TRAF3IP2: variants seen among roughly 807,000 people sequenced by gnomAD.
TRAF3IP2 encodes TRAF3 interacting protein 2, also known as E3 ubiquitin ligase TRAF3IP2.
A neutral mutation model predicts 57.9 loss-of-function variants in TRAF3IP2; 35 were observed. That is an observed-to-expected ratio of 0.60 (90% CI 0.46 to 0.80). The LOEUF is 0.80. Ranked by LOEUF, TRAF3IP2 falls within the 30% of genes least tolerant of loss-of-function variation. The pLI, the probability that TRAF3IP2 is intolerant of heterozygous loss-of-function variation, is 0.00. For synonymous variants in TRAF3IP2, 251 were observed against 268.9 expected, an observed-to-expected ratio of 0.93 and a Z score of 0.65; for missense variants, 556 against 706.4, an observed-to-expected ratio of 0.79 and a Z score of 2.41.
intron 2 of TRAF3IP2, among the ~76,000 whole-genome samples, chr6:111,586,625 T>A (rs1469589311): frequency 6.6e-6 from 1 of 152,212 alleles, no homozygotes; most frequent in Non-Finnish European, 1.5e-5. Flanking sequence ...TGGTGATCAT[T>A]ATTTATTTAT....
chr6:111,577,144 T>G (rs1426993846), intron 3 of TRAF3IP2: 1 of 112,006 alleles, frequency 8.9e-6, no homozygotes, highest in Non-Finnish European at 2.1e-5. Flanking sequence ...TATTTTTTTC[T>G]TTTTCTTTTT....
chr6:111,595,556 G>A (rs992509800), intron 1 of TRAF3IP2, among the ~76,000 whole-genome samples: 3 of 152,174 alleles, frequency 2.0e-5, no homozygotes, highest in Admixed American at 6.5e-5. Context: ...CATGCCGGGC[G>A]CCGTGACTCA....
intron 5 of TRAF3IP2, among the ~76,000 whole-genome samples, chr6:111,568,581 G>T (rs923848645): frequency 6.6e-6 from 1 of 151,844 alleles, no homozygotes; most frequent in Non-Finnish European, 1.5e-5. Flanking sequence ...CCTGGGGAGG[G>T]GTTACGTGAT....
At position 111,580,207 on chromosome 6, in the gene TRAF3IP2, G is replaced by T; in HGVS notation, c.1012C>A (p.Pro338Thr). Residue 338 changes from proline (P) to threonine (T), a missense_variant, in exon 3 of 9, where the codon CCA becomes ACA. This residue lies in a region of TRAF3IP2 where 428 missense variants were observed against 498.7 expected (regional missense o/e 0.86). Transcript: ENST00000368761. The part of the protein sequence containing the change: ...AQRDCSFPGL[P>T]RHQDQPHHQP... ...GCCTGTCATACTTACTGGTGCCTTGGAAGCCCCGGAAAGGAGCAGTCTCTC... is the reference window on the plus strand; with the variant it reads ...GCCTGTCATACTTACTGGTGCCTTGTAAGCCCCGGAAAGGAGCAGTCTCTC... The T allele has an allele frequency of 6.2e-7, 1 of 1,613,986 alleles. No individual in the cohort carries two copies. The highest frequency in any genetic ancestry group is 8.5e-7 in the Non-Finnish European group (1 of 1,179,932).
At chr6:111,583,533 A>G (rs1472763522) in intron 2 of TRAF3IP2, among the ~76,000 whole-genome samples, 1 of 152,190 alleles carries the variant, frequency 6.6e-6, no homozygotes, top group African/African-American at 2.4e-5. Flanking sequence ...AACTGCGCAC[A>G]TGAGGGATCT....
Position 111,559,210 on chromosome 6 carries a change from TC to T in TRAF3IP2, c.*194del. The T allele has an allele frequency of 1.6e-6, 1 of 632,650 alleles. No homozygotes were observed. Among genetic ancestry groups the T allele is most frequent in the Admixed American group, 3.0e-5 (1 of 33,496 alleles). 39.2% of individuals were successfully genotyped at this position (632,650 alleles called of 1,614,324 possible). On this transcript the variant is annotated 3_prime_UTR_variant, in exon 9 of 9. Coordinates refer to ENST00000368761, the MANE Select transcript of TRAF3IP2 (RefSeq NM_147686.4). ...CAGAGAATGCAGAGCAGTCACAGAC[TC>T]CACTTCAAAGCCAGGGTGTGTGGAG...
At chr6:111,564,000 ATG>A (rs1456756534) in intron 7 of TRAF3IP2, among the ~76,000 whole-genome samples, 3 of 152,232 alleles carry the variant, frequency 2.0e-5, no homozygotes, top group Non-Finnish European at 2.9e-5. Context: ...ACGAGGAATT[ATG>A]TGTTTCCAAC....
intron 8 of TRAF3IP2, among the ~76,000 whole-genome samples, 165 bp from the exon 9 acceptor site, chr6:111,559,716 A>G (rs994124254): frequency 1.3e-5 from 2 of 152,216 alleles, no homozygotes; most frequent in African/African-American, 4.8e-5. Context: ...TAGCATGTGA[A>G]ATGTTCTTGG....
At chr6:111,577,385 AGAG>A (rs1163972952) in intron 3 of TRAF3IP2, among the ~76,000 whole-genome samples, 1 of 152,174 alleles carries the variant, frequency 6.6e-6, no homozygotes, top group Non-Finnish European at 1.5e-5. Flanking sequence ...ACTATGAGTA[AGAG>A]GAGAATTAGC....
intron 5 of TRAF3IP2, 139 bp from the exon 6 acceptor site, chr6:111,567,831 TA>T: frequency 1.9e-6 from 1 of 534,960 alleles, no homozygotes; most frequent in South Asian, 4.7e-5. Context: ...CACATAGGTC[TA>T]AAAAACAAAA....
chr6:111,596,917 G>A (rs887415163), intron 1 of TRAF3IP2, among the ~76,000 whole-genome samples: 1 of 152,186 alleles, frequency 6.6e-6, no homozygotes, highest in East Asian at 1.9e-4. Flanking sequence ...ATTTTTGACT[G>A]TTCTGTTTAC....
chr6:111,587,902 A>T (rs1469636305), intron 2 of TRAF3IP2, among the ~76,000 whole-genome samples: 1 of 152,216 alleles, frequency 6.6e-6, no homozygotes, highest in Non-Finnish European at 1.5e-5. Context: ...TTTAATAAAC[A>T]TTCTTGTTCT....
intron 1 of TRAF3IP2, 118 bp from the exon 2 acceptor site, chr6:111,592,212 A>C: frequency 1.2e-6 from 1 of 864,428 alleles, no homozygotes. Flanking sequence ...TGAGACACCA[A>C]TGTGCTTGCA....
At chr6:111,583,601 A>G (rs7745504) in intron 2 of TRAF3IP2, among the ~76,000 whole-genome samples, 204 of 151,942 alleles carry the variant, frequency 1.3e-3, no homozygotes, top group African/African-American at 4.7e-3. Context: ...GTCTTCCATC[A>G]CCCCCAGATC....
chr6:111,591,844 G>A lies in TRAF3IP2; in HGVS notation c.243C>T (p.Thr81=). The A allele has an allele frequency of 6.2e-7, 1 of 1,614,234 alleles. No homozygotes were observed. Among genetic ancestry groups the A allele is most frequent in the South Asian group, 1.1e-5 (1 of 91,088 alleles). The stretch of plus-strand genomic sequence containing the variant: ...CCTCCAGAACTTGAGTGCGCAGGCA[G>A]GTGACCTGCCGGGATACAGGCCGCT... The part of the protein sequence containing the change: ...NHQRPVSRQV[T]CLRTQVLEDS... The change falls in exon 2 of 9, where the codon ACC becomes ACT. Residue 81 remains threonine, a synonymous_variant. Transcript: ENST00000368761. This position sits in a 1 kb window ranked among gnomAD's most constrained non-coding sequence, Gnocchi z 4.9.
chr6:111,602,309 T>TG (rs1027061004), intron 1 of TRAF3IP2: 7 of 152,118 alleles, frequency 4.6e-5, no homozygotes, highest in Admixed American at 3.9e-4. Flanking sequence ...GCCCATGTTT[T>TG]TTTTTTTTTT....
In TRAF3IP2 at chr6:111,566,436, C is replaced by A; in HGVS notation, c.1476+8G>T. 6.2e-7 allele frequency: 1 copy of A among 1,604,572 alleles called. No homozygotes were observed. Among genetic ancestry groups the A allele is most frequent in the East Asian group, 2.2e-5 (1 of 44,834 alleles). ...ACAGTGAGGTGTTGTGATCCCCTCC[C>A]CACTCACCATTCGATGAATGTACTT... On this transcript the variant is annotated splice_region_variant and intron_variant, in intron 7 of 8. Coordinates refer to ENST00000368761, the MANE Select transcript of TRAF3IP2 (RefSeq NM_147686.4).
At position 111,591,243 on chromosome 6, in the gene TRAF3IP2, G is replaced by A; in HGVS notation, c.829+15C>T. 6.8e-7 allele frequency: 1 copy of A among 1,478,302 alleles called. No individual in the cohort carries two copies. The highest frequency in any genetic ancestry group is 9.0e-7 in the Non-Finnish European group (1 of 1,112,288). 91.6% of individuals were successfully genotyped at this position (1,478,302 alleles called of 1,614,324 possible). On this transcript the variant is annotated intron_variant, in intron 2 of 8. Transcript: ENST00000368761. This position sits in a 1 kb window ranked among gnomAD's most constrained non-coding sequence, Gnocchi z 4.9. The stretch of plus-strand genomic sequence containing the variant: ...ACCCAGCCCAGAATGCCCAGAGGAG[G>A]TAAAGATCACTTACATGGCACCTGG...
intron 2 of TRAF3IP2, among the ~76,000 whole-genome samples, chr6:111,588,583 T>C (rs1415677286): frequency 6.6e-6 from 1 of 152,214 alleles, no homozygotes; most frequent in African/African-American, 2.4e-5. Context: ...TCAGTGCTTT[T>C]TTTGTCTATC....
Sources: gnomAD v4.1 joint callset for allele counts (sites outside exome capture counted in the v4.1 genomes callset) on GRCh38, gnomAD v4.1.1 for gene constraint, gnomAD v4.1.1 regional missense constraint, Gnocchi (gnomAD v3.1) non-coding constraint, MANE v1.5 for transcripts, NCBI Gene and HGNC (gene_info 2026-07-23, HGNC 2026-07-21) for gene names.